The following SEC63 variants were observed in gnomAD, a reference collection of about 807,000 sequenced individuals.
SEC63 encodes translocation protein SEC63 homolog.
SEC63 carries 56 observed loss-of-function variants against 116.2 expected under a neutral mutation model. That is an observed-to-expected ratio of 0.48 (90% CI 0.39 to 0.60). The LOEUF (loss-of-function observed/expected upper bound fraction) is 0.60. Among genes scored for constraint, SEC63 ranks in the 20% least tolerant of loss-of-function variants. SEC63 has a pLI of 0.00. For missense variants in SEC63, 668 were observed against 900.0 expected, an observed-to-expected ratio of 0.74 and a Z score of 3.30; for synonymous variants, 273 against 294.6, an observed-to-expected ratio of 0.93 and a Z score of 0.75.
chr6:107,938,511 C>A (rs1770305093), intron 1 of SEC63, among the ~76,000 whole-genome samples: 1 of 151,838 alleles, frequency 6.6e-6, no homozygotes, highest in Non-Finnish European at 1.5e-5. Flanking sequence ...TCCCAAAGTG[C>A]TAGGATTACA....
intron 11 of SEC63, among the ~76,000 whole-genome samples, chr6:107,903,838 T>C (rs1172001660): frequency 6.6e-6 from 1 of 152,062 alleles, no homozygotes; most frequent in East Asian, 1.9e-4. Context: ...AATTGAACAA[T>C]AAAATAATTA....
Position 107,921,926 on chromosome 6 carries a change from A to C in SEC63, c.340-17T>G, listed in dbSNP as rs1300912752. The C allele has an allele frequency of 7.1e-7, 1 of 1,415,508 alleles. No homozygotes were observed. Among genetic ancestry groups the C allele is most frequent in the Non-Finnish European group, 9.9e-7 (1 of 1,006,454 alleles). The allele number at this position is 1,415,508 out of a possible 1,614,324, so 87.7% of individuals were successfully genotyped here. Reference sequence around the variant, plus strand: ...TGTGGCTCCCTGGGGAAAAACAAAAAAAAAAAACAAGCTTTCTGTTAGCAA... The same window carrying C: ...TGTGGCTCCCTGGGGAAAAACAAAACAAAAAAACAAGCTTTCTGTTAGCAA... On this transcript the variant is annotated splice_polypyrimidine_tract_variant and intron_variant, in intron 3 of 20. Transcript: ENST00000369002.
chr6:107,933,104 T>C (rs1787849517), intron 1 of SEC63, among the ~76,000 whole-genome samples: 1 of 152,026 alleles, frequency 6.6e-6, no homozygotes, highest in Non-Finnish European at 1.5e-5. Flanking sequence ...CAGATGGTAA[T>C]GTGACAACGG....
At chr6:107,905,986 T>G (rs567757142) in intron 10 of SEC63, among the ~76,000 whole-genome samples, 14 of 152,316 alleles carry the variant, frequency 9.2e-5, no homozygotes, top group African/African-American at 2.2e-4. Context: ...CACCATGCTA[T>G]GGTTTGGGTC....
At chr6:107,908,274 C>T (rs138740934) in intron 8 of SEC63, among the ~76,000 whole-genome samples, 1 of 152,050 alleles carries the variant, frequency 6.6e-6, no homozygotes, top group African/African-American at 2.4e-5. Context: ...AAAGGTAACA[C>T]TCTATCTCCC....
chr6:107,929,045 C>A (rs1787738563), intron 2 of SEC63, among the ~76,000 whole-genome samples: 1 of 152,166 alleles, frequency 6.6e-6, no homozygotes, highest in South Asian at 2.1e-4. Context: ...ACAGTATGTG[C>A]TCAATAAACT....
At chr6:107,890,683 G>A (rs930530520) in intron 16 of SEC63, among the ~76,000 whole-genome samples, 2 of 152,086 alleles carry the variant, frequency 1.3e-5, no homozygotes, top group Non-Finnish European at 2.9e-5. Context: ...TTACAATTTG[G>A]TATGTTTTTG....
intron 16 of SEC63, 87 bp downstream of exon 16, chr6:107,893,395 A>G: frequency 7.5e-7 from 1 of 1,341,236 alleles, no homozygotes; most frequent in Admixed American, 1.8e-5. Context: ...ATTATGTAAA[A>G]CTTTTGAAGC....
intron 17 of SEC63, 115 bp downstream of exon 17, chr6:107,882,870 ATAT>A (rs1786443015): frequency 1.5e-6 from 1 of 666,982 alleles, no homozygotes; most frequent in Non-Finnish European, 2.6e-6. Flanking sequence ...AAATATACAG[ATAT>A]TATTTAAAGA....
At chr6:107,910,769 ATTT>A (rs1583749406) in intron 7 of SEC63, among the ~76,000 whole-genome samples, 1 of 151,974 alleles carries the variant, frequency 6.6e-6, no homozygotes, top group Admixed American at 6.6e-5. Flanking sequence ...AACTTTTGTG[ATTT>A]TTGTTTTTTT....
intron 3 of SEC63, 143 bp downstream of exon 3, chr6:107,924,675 A>G (rs1787635201): frequency 1.6e-6 from 1 of 618,500 alleles, no homozygotes; most frequent in Non-Finnish European, 2.9e-6. Flanking sequence ...TTATAATAAC[A>G]GAGGATTAGA....
At chr6:107,951,397 T>C (rs1770576006) in intron 1 of SEC63, among the ~76,000 whole-genome samples, 1 of 152,250 alleles carries the variant, frequency 6.6e-6, no homozygotes, top group Admixed American at 6.5e-5. Flanking sequence ...AACTTTACGT[T>C]ACTGTTCTGT....
At chr6:107,932,911 G>T (rs1787844567) in intron 1 of SEC63, among the ~76,000 whole-genome samples, 1 of 151,846 alleles carries the variant, frequency 6.6e-6, no homozygotes, top group African/African-American at 2.4e-5. Context: ...CAGTGGGGTA[G>T]GCTGAATAAC....
At chr6:107,881,108 G>C (rs753027223) in intron 18 of SEC63, 41 bp downstream of exon 18, 3 of 1,364,528 alleles carry the variant, frequency 2.2e-6, no homozygotes, top group Non-Finnish European at 3.1e-6. Context: ...TGAGGAGAAA[G>C]TGAATGGAAT....
At chr6:107,929,031 G>T (rs1176443088) in intron 2 of SEC63, among the ~76,000 whole-genome samples, 1 of 152,168 alleles carries the variant, frequency 6.6e-6, no homozygotes, top group Non-Finnish European at 1.5e-5. Flanking sequence ...ACAGATTCTA[G>T]CATACAGTAT....
intron 18 of SEC63, chr6:107,880,828 G>A (rs1786398059): frequency 4.5e-6 from 1 of 224,678 alleles, no homozygotes; most frequent in Non-Finnish European, 8.9e-6. Flanking sequence ...GGCAAAATAT[G>A]CATTTGTCTG....
chr6:107,880,930 C>T (rs1270422963), intron 18 of SEC63: 2 of 485,572 alleles, frequency 4.1e-6, no homozygotes, highest in East Asian at 7.4e-5. Flanking sequence ...AAGAAAACCA[C>T]AGAAATACTT....
chr6:107,898,814 A>G (rs1471732298), intron 13 of SEC63, among the ~76,000 whole-genome samples: 2 of 152,250 alleles, frequency 1.3e-5, no homozygotes, highest in Non-Finnish European at 2.9e-5. Context: ...ACATGTTTTT[A>G]CCTACAGTTT....
chr6:107,890,199 G>C (rs1024950327), intron 16 of SEC63, among the ~76,000 whole-genome samples: 1 of 152,182 alleles, frequency 6.6e-6, no homozygotes, highest in Admixed American at 6.5e-5. Flanking sequence ...TTGTGTGGGA[G>C]TCTAAGCCTC....
Sources: gnomAD v4.1 joint callset for allele counts (sites outside exome capture counted in the v4.1 genomes callset) on GRCh38, gnomAD v4.1.1 for gene constraint, MANE v1.5 for transcripts, NCBI Gene and HGNC (gene_info 2026-07-23, HGNC 2026-07-21) for gene names.